The following YES1 variants were observed in gnomAD, a reference collection of about 807,000 sequenced individuals.
The protein encoded by YES1 is YES proto-oncogene 1, Src family tyrosine kinase.
Under a neutral mutation model 70.4 loss-of-function variants are expected in YES1, and 39 were observed. The ratio of observed to expected loss-of-function variants is 0.55; its 90% confidence interval spans 0.43 to 0.72. YES1 has a LOEUF of 0.72. Ranked by LOEUF, YES1 falls within the 30% of genes least tolerant of loss-of-function variation. The pLI, the probability that YES1 is intolerant of heterozygous loss-of-function variation, is 0.00. For missense variants in YES1, 495 were observed against 644.8 expected, an observed-to-expected ratio of 0.77 and a Z score of 2.52; for synonymous variants, 198 against 218.6, an observed-to-expected ratio of 0.91 and a Z score of 0.83.
At chr18:749,930 G>A (rs1236509003) in intron 3 of YES1, among the ~76,000 whole-genome samples, 1 of 150,890 alleles carries the variant, frequency 6.6e-6, no homozygotes, top group East Asian at 1.9e-4. Context: ...CAGAACATGA[G>A]AACTACATGT....
intron 1 of YES1, among the ~76,000 whole-genome samples, chr18:794,457 T>G (rs1433156825): frequency 6.6e-6 from 1 of 152,242 alleles, no homozygotes; most frequent in East Asian, 1.9e-4. Context: ...GGATTTTGGA[T>G]TTTTGTTATA....
At chr18:791,925 T>G (rs952424026) in intron 1 of YES1, among the ~76,000 whole-genome samples, 14 of 152,032 alleles carry the variant, frequency 9.2e-5, no homozygotes, top group Non-Finnish European at 1.5e-4. Flanking sequence ...GGTGTTGGCG[T>G]GCACCTGTGA....
intron 3 of YES1, among the ~76,000 whole-genome samples, chr18:749,594 G>A (rs1459688538): frequency 2.6e-5 from 4 of 152,022 alleles, no homozygotes; most frequent in African/African-American, 9.7e-5. Context: ...GGTGGCTCAC[G>A]CCTGTAATCC....
chr18:811,958 G>A (rs1228926677), intron 1 of YES1, among the ~76,000 whole-genome samples, 156 bp downstream of exon 1: 3 of 152,142 alleles, frequency 2.0e-5, no homozygotes, highest in Non-Finnish European at 4.4e-5. Flanking sequence ...CGGGCGATCC[G>A]GGGGAGGGGA....
chr18:786,315 T>C lies in YES1; in HGVS notation c.-9+25799A>G, dbSNP rs1488454755. On this transcript the variant is annotated intron_variant, in intron 1 of 11. Coordinates refer to ENST00000314574, the MANE Select transcript of YES1 (RefSeq NM_005433.4). ...CACAATATCAAACATGGAGACTTTT[T>C]CCCTTTTTTCTTCCTCCCTAGAGTA... Among the ~76,000 whole-genome samples, 4 of 152,076 alleles carry C rather than the reference T, an allele frequency of 2.6e-5. 1 individual carries two copies. The highest frequency in any genetic ancestry group is 4.4e-5 in the Non-Finnish European group (3 of 68,016).
chr18:726,447 C>T (rs539775755), intron 11 of YES1, among the ~76,000 whole-genome samples: 7 of 150,078 alleles, frequency 4.7e-5, no homozygotes, highest in African/African-American at 1.7e-4. Flanking sequence ...ACAAAAACAA[C>T]TTCACTCTTC....
At chr18:733,179 T>C (rs1249974634) in intron 10 of YES1, among the ~76,000 whole-genome samples, 3 of 152,162 alleles carry the variant, frequency 2.0e-5, no homozygotes, top group African/African-American at 7.2e-5. Context: ...GCTGATGATA[T>C]AAAAAATAAG....
chr18:776,953 T>C (rs1973992312), intron 1 of YES1, among the ~76,000 whole-genome samples: 1 of 152,248 alleles, frequency 6.6e-6, no homozygotes, highest in Non-Finnish European at 1.5e-5. Flanking sequence ...CCCTATCATC[T>C]ACTAATCTTC....
intron 1 of YES1, among the ~76,000 whole-genome samples, chr18:785,238 C>A (rs1905875868): frequency 1.3e-5 from 2 of 151,724 alleles, no homozygotes; most frequent in African/African-American, 4.8e-5. Flanking sequence ...CCAATATGGC[C>A]CAGGGAAGCC....
At chr18:771,760 G>T (rs56044917) in intron 1 of YES1, among the ~76,000 whole-genome samples, 161 of 152,232 alleles carry the variant, frequency 1.1e-3, no homozygotes, top group African/African-American at 3.7e-3. Context: ...ATGTTGCCCA[G>T]GCTGGGCACA....
intron 1 of YES1, among the ~76,000 whole-genome samples, chr18:773,859 T>C (rs561302533): frequency 6.6e-6 from 1 of 152,018 alleles, no homozygotes; most frequent in Admixed American, 6.6e-5. Context: ...TGAGACGGAA[T>C]CTTGCTCTGT....
At chr18:775,965 T>C (rs28621567) in intron 1 of YES1, among the ~76,000 whole-genome samples, 2 of 152,216 alleles carry the variant, frequency 1.3e-5, no homozygotes, top group Non-Finnish European at 2.9e-5. Flanking sequence ...GTAAGGGATA[T>C]GAATTGTTTC....
At chr18:784,485 A>G (rs1359266385) in intron 1 of YES1, among the ~76,000 whole-genome samples, 1 of 152,252 alleles carries the variant, frequency 6.6e-6, no homozygotes, top group Admixed American at 6.5e-5. Context: ...ACAACAAATT[A>G]CCACAAATTT....
At chr18:805,011 C>T (rs1351386279) in intron 1 of YES1, among the ~76,000 whole-genome samples, 1 of 151,912 alleles carries the variant, frequency 6.6e-6, no homozygotes, top group Non-Finnish European at 1.5e-5. Flanking sequence ...CGTGTCAAGT[C>T]CATGGGTCAG....
At chr18:767,165 T>A (rs551548060) in intron 1 of YES1, among the ~76,000 whole-genome samples, 25 of 152,068 alleles carry the variant, frequency 1.6e-4, no homozygotes, top group South Asian at 6.2e-4. Flanking sequence ...TCAAAAAAAA[T>A]TTTTTTTGAG....
chr18:722,695 TC>T lies in YES1; in HGVS notation c.*1728del, dbSNP rs1429105297. ...CTTTTGCACTTTAGGGTAAAAACTG[TC>T]CCCTTTTCACCACCGTTAATATTCA... On this transcript the variant is annotated 3_prime_UTR_variant, in exon 12 of 12. Transcript: ENST00000314574. The T allele has an allele frequency of 4.6e-5, 7 of 152,206 alleles. No homozygotes were observed. The highest frequency in any genetic ancestry group is 2.1e-4 in the South Asian group (1 of 4,828). The allele number at this position is 152,206 out of a possible 1,614,324, so 9.4% of individuals were successfully genotyped here.
chr18:772,734 C>T (rs189709240), intron 1 of YES1, among the ~76,000 whole-genome samples: 23 of 152,254 alleles, frequency 1.5e-4, no homozygotes, highest in African/African-American at 5.5e-4. Flanking sequence ...GCCCGGCCAG[C>T]ATCTCTATTT....
chr18:773,978 C>G (rs1905264482), intron 1 of YES1, among the ~76,000 whole-genome samples: 1 of 152,080 alleles, frequency 6.6e-6, no homozygotes, highest in East Asian at 1.9e-4. Flanking sequence ...ATTACATGCG[C>G]CCACCATCTT....
chr18:791,183 G>A (rs1906228639), intron 1 of YES1, among the ~76,000 whole-genome samples: 1 of 151,948 alleles, frequency 6.6e-6, no homozygotes, highest in African/African-American at 2.4e-5. Flanking sequence ...CCAGGAGGCG[G>A]AGGTTGCAGT....
Sources: allele counts gnomAD v4.1 joint callset (sites outside exome capture counted in the v4.1 genomes callset), GRCh38; gene constraint gnomAD v4.1.1; transcripts MANE v1.5; gene names NCBI Gene and HGNC (gene_info 2026-07-23, HGNC 2026-07-21).